Variants in NTMT1 observed in about 807,000 individuals in gnomAD.
The protein encoded by NTMT1 is N-terminal Xaa-Pro-Lys N-methyltransferase 1.
In NTMT1, 8 loss-of-function variants were observed where a neutral mutation model predicts 17.5. That is an observed-to-expected ratio of 0.46 (90% confidence interval 0.27 to 0.82). The LOEUF (loss-of-function observed/expected upper bound fraction) is 0.82, where lower values mean the gene tolerates loss of function less well. NTMT1 is among the 40% of genes least tolerant of loss of function. The pLI is 0.15. For synonymous variants in NTMT1, 128 were observed against 126.8 expected (o/e 1.01, Z -0.06); for missense variants, 221 against 303.5 (o/e 0.73, Z 2.02).
chr9:129,612,112 G>C (rs543916876), intron 1 of NTMT1: 2 of 495,226 alleles, frequency 4.0e-6, no homozygotes, highest in East Asian at 3.4e-5. Flanking sequence ...TTCACTACAA[G>C]TCCTGAACCC....
intron 1 of NTMT1, among the ~76,000 whole-genome samples, chr9:129,631,245 C>G (rs1337967585): frequency 6.6e-6 from 1 of 152,170 alleles, no homozygotes; most frequent in Non-Finnish European, 1.5e-5. Context: ...CATGAGAATC[C>G]TTATTTTTCT....
intron 1 of NTMT1, among the ~76,000 whole-genome samples, chr9:129,618,849 C>T (rs1022701773): frequency 3.4e-4 from 50 of 147,992 alleles, no homozygotes; most frequent in Middle Eastern, 3.5e-3. Context: ...CCCGCCACCA[C>T]GCCCGGCTAA....
At chr9:129,612,972 C>T in intron 1 of NTMT1, 2 of 1,124,798 alleles carry the variant, frequency 1.8e-6, no homozygotes, top group South Asian at 1.5e-5. Flanking sequence ...CCACTGCAAG[C>T]CCCCACGGTG....
intron 1 of NTMT1, among the ~76,000 whole-genome samples, chr9:129,627,252 T>G (rs1830945952): frequency 6.6e-6 from 1 of 152,176 alleles, no homozygotes; most frequent in Non-Finnish European, 1.5e-5. Context: ...GGGGGTTCTG[T>G]GCTTATAGGC....
chr9:129,620,623 G>A lies in NTMT1; in HGVS notation c.-55+11445G>A. The A allele has an allele frequency of 7.7e-7, 1 of 1,291,372 alleles. No individual in the cohort carries two copies. Among genetic ancestry groups the A allele is most frequent in the Non-Finnish European group, 9.8e-7 (1 of 1,019,308 alleles). The allele number at this position is 1,291,372 out of a possible 1,614,324, so 80.0% of individuals were successfully genotyped here. ...CGCACCCTCAGCGCGCGTGGGTGGGGGGCGCCGGCTGAGGTGGGGAGGGCA... is the reference window on the plus strand; with the variant it reads ...CGCACCCTCAGCGCGCGTGGGTGGGAGGCGCCGGCTGAGGTGGGGAGGGCA... On this transcript the variant is annotated intron_variant, in intron 1 of 3. Transcript: ENST00000372486. The surrounding 1 kb of genome is among the most constrained non-coding windows in gnomAD (Gnocchi z 5.8).
chr9:129,619,004 G>A (rs562406747), intron 1 of NTMT1, among the ~76,000 whole-genome samples: 3 of 151,368 alleles, frequency 2.0e-5, no homozygotes, highest in East Asian at 2.0e-4. Flanking sequence ...GTGAGCCACC[G>A]TGCCCTGCCG....
Position 129,634,076 on chromosome 9 carries a change from C to T in NTMT1, c.185C>T (p.Thr62Met), listed in dbSNP as rs759605585. ...FLREGPNKTG[T>M]SCALDCGAGI... The stretch of plus-strand genomic sequence containing the variant: ...CAGGAAGGCCCGAACAAGACAGGAA[C>T]GTCCTGTGCCCTGGACTGTGGAGCT... The change falls in exon 3 of 4, where the codon ACG becomes ATG. Residue 62 changes from threonine to methionine, a missense_variant. Physicochemically the swap from Thr to Met is moderately conservative, Grantham distance 81. Coordinates refer to ENST00000372483, the MANE Select transcript of NTMT1 (RefSeq NM_014064.4). 3.1e-6 allele frequency: 5 copies of T among 1,613,992 alleles called. No individual in the cohort carries two copies. Among genetic ancestry groups the T allele is most frequent in the East Asian group, 2.2e-5 (1 of 44,880 alleles).
intron 1 of NTMT1, among the ~76,000 whole-genome samples, chr9:129,628,039 C>G (rs771041934): frequency 6.6e-6 from 1 of 152,218 alleles, no homozygotes; most frequent in Admixed American, 6.5e-5. Flanking sequence ...CAGCCATTTA[C>G]CAGGCATGAG....
At chr9:129,615,621 C>T (rs918165) in intron 1 of NTMT1, 691,842 of 1,585,252 alleles carry the variant, frequency 0.44, 155,644 homozygotes, top group African/African-American at 0.68. Flanking sequence ...AGCCTTGAGC[C>T]TGGGGACCTG....
rs3054726 is a variant in NTMT1 at position 129,614,903 on chromosome 9, G to GAA, written c.-55+5735_-55+5736dup. Among the ~76,000 whole-genome samples, 7,193 of 144,364 alleles carry GAA rather than the reference G, an allele frequency of 0.05. 272 individuals carry two copies. Among genetic ancestry groups the GAA allele is most frequent in the African/African-American group, 0.11 (4,199 of 39,514 alleles). 94.7% of individuals were successfully genotyped at this position (144,364 alleles called of 152,430 possible). Reference sequence around the variant, plus strand: ...GGCGACAGAGTGAGACTCCGTATCAGAAAAAAAAAAAGAAAAAGAAAACTC... The same window carrying GAA: ...GGCGACAGAGTGAGACTCCGTATCAGAAAAAAAAAAAAAGAAAAAGAAAACTC... On this transcript the variant is annotated intron_variant, in intron 1 of 3. Coordinates refer to the NTMT1 transcript ENST00000372486. This position sits in a 1 kb window ranked among gnomAD's most constrained non-coding sequence, Gnocchi z 4.4.
intron 1 of NTMT1, chr9:129,615,679 GC>G (rs776075624): frequency 1.3e-6 from 2 of 1,496,260 alleles, no homozygotes; most frequent in Non-Finnish European, 1.8e-6. Context: ...TGTGCTCGAA[GC>G]CCCCCACCGT....
intron 1 of NTMT1, among the ~76,000 whole-genome samples, chr9:129,629,432 C>G (rs930567686): frequency 1.3e-4 from 20 of 151,752 alleles, no homozygotes; most frequent in African/African-American, 4.6e-4. Flanking sequence ...ACTCTGTTGC[C>G]CAGGCTGGAA....
intron 1 of NTMT1, among the ~76,000 whole-genome samples, chr9:129,610,935 ATG>A (rs1830101430): frequency 6.6e-6 from 1 of 152,118 alleles, no homozygotes; most frequent in African/African-American, 2.4e-5. Flanking sequence ...CTCGTCCTAG[ATG>A]TGTCTCCACC....
chr9:129,634,429 C>T, intron 3 of NTMT1, 123 bp downstream of exon 3: 2 of 1,108,088 alleles, frequency 1.8e-6, no homozygotes, highest in Non-Finnish European at 1.3e-6. Flanking sequence ...ATTCCCCACC[C>T]CGCCCAGGCC....
At chr9:129,622,215 G>A (rs1184209762), upstream of NTMT1, among the ~76,000 whole-genome samples, 1 of 152,176 alleles carries the variant, frequency 6.6e-6, no homozygotes, top group African/African-American at 2.4e-5. Flanking sequence ...AGACCCTGCG[G>A]GGCACGGTGT....
rs1292168259 is a variant in NTMT1 at position 129,635,420 on chromosome 9, C to T, written c.628C>T (p.Leu210Phe). The T allele has an allele frequency of 3.1e-6, 5 of 1,613,152 alleles. No homozygotes were observed. Among genetic ancestry groups the T allele is most frequent in the East Asian group, 2.2e-5 (1 of 44,758 alleles). ...SLLAEERQEN[L>F]PDEIYHVYSF... ...CCTGGCCGAGGAGAGGCAGGAGAAC[C>T]TCCCCGATGAGATCTACCATGTCTA... The change falls in exon 4 of 4, where the codon CTC becomes TTC. Residue 210 changes from leucine (L) to phenylalanine (F), a missense_variant. Transcript: ENST00000372483.
At chr9:129,628,941 G>A (rs933973127) in intron 1 of NTMT1, among the ~76,000 whole-genome samples, 1 of 152,232 alleles carries the variant, frequency 6.6e-6, no homozygotes, top group African/African-American at 2.4e-5. Context: ...CCATGGTCCA[G>A]TCTGAATGGG....
intron 1 of NTMT1, chr9:129,615,547 C>G: frequency 6.2e-7 from 1 of 1,610,816 alleles, no homozygotes; most frequent in African/African-American, 1.3e-5. Context: ...GCGAATCGCA[C>G]CCGGAAAGGG....
chr9:129,632,599 C>T (rs1831227370), intron 1 of NTMT1, 51 bp from the exon 2 acceptor site: 1 of 1,374,882 alleles, frequency 7.3e-7, no homozygotes, highest in African/African-American at 1.4e-5. Flanking sequence ...GCCCTGGGGG[C>T]CTTTCTGCCA....
Sources: gnomAD v4.1 joint callset for allele counts (sites outside exome capture counted in the v4.1 genomes callset) on GRCh38, gnomAD v4.1.1 for gene constraint, Gnocchi (gnomAD v3.1) non-coding constraint, MANE v1.5 for transcripts, NCBI Gene and HGNC (gene_info 2026-07-23, HGNC 2026-07-21) for gene names.